Variants in FAAH2 observed in about 807,000 individuals in gnomAD.
The protein encoded by FAAH2 is fatty acid amide hydrolase 2.
A neutral mutation model predicts 36.9 loss-of-function variants in FAAH2; 60 were observed. The ratio of observed to expected loss-of-function variants is 1.63; its 90% CI spans 1.32 to 2.02. FAAH2 has a LOEUF of 2.02. FAAH2 is among the 30% of genes most tolerant of loss of function. FAAH2 has a pLI of 0.00. For synonymous variants in FAAH2, 214 were observed against 143.8 expected, an observed-to-expected ratio of 1.49 and a Z score of -3.49; for missense variants, 689 against 397.5, an observed-to-expected ratio of 1.73 and a Z score of -6.23.
intron 8 of FAAH2, among the ~76,000 whole-genome samples, chrX:57,434,083 A>AT (rs771256980): frequency 0.06 from 5,609 of 94,032 alleles, 167 homozygotes; most frequent in Non-Finnish European, 0.073. Flanking sequence ...AATTAAATTG[A>AT]TTTTTTTTTT....
intron 6 of FAAH2, among the ~76,000 whole-genome samples, chrX:57,380,230 T>C (rs1217902655): frequency 9.0e-6 from 1 of 110,848 alleles, no homozygotes; most frequent in Non-Finnish European, 1.9e-5. Context: ...TACTTATCTC[T>C]ATTCTTTCTA....
intron 7 of FAAH2, among the ~76,000 whole-genome samples, chrX:57,384,462 T>A (rs1289549750): frequency 9.3e-6 from 1 of 107,621 alleles, no homozygotes; most frequent in Non-Finnish European, 1.9e-5. Context: ...TACAATGAAC[T>A]CAAACAAATT....
At chrX:57,425,420 C>A (rs2056136781) in intron 7 of FAAH2, among the ~76,000 whole-genome samples, 1 of 111,037 alleles carries the variant, frequency 9.0e-6, no homozygotes, top group Non-Finnish European at 1.9e-5. Context: ...ATATAATAAC[C>A]AGACTACAAT....
chrX:57,393,966 T>A, intron 7 of FAAH2: 1 of 800,935 alleles, frequency 1.2e-6, no homozygotes, highest in Non-Finnish European at 1.9e-6. Flanking sequence ...AACCTTTGTA[T>A]GTGGATATCA....
At chrX:57,216,566 G>GTATACGTATATA in the FAAH2 span, among the ~76,000 whole-genome samples, 8 of 17,910 alleles carry the variant, frequency 4.5e-4, no homozygotes, top group Admixed American at 1.8e-3. Context: ...ATATATATAC[G>GTATACGTATATA]TATATGTATA....
intron 1 of FAAH2, among the ~76,000 whole-genome samples, chrX:57,292,292 C>T (rs773886846): frequency 9.0e-6 from 1 of 111,485 alleles, no homozygotes; most frequent in African/African-American, 3.3e-5. Flanking sequence ...CTTTCTTATA[C>T]TGGTATATTC....
the FAAH2 span, among the ~76,000 whole-genome samples, chrX:57,227,578 G>T: frequency 9.0e-6 from 1 of 111,383 alleles, no homozygotes; most frequent in South Asian, 3.8e-4. Context: ...ACTCCATGGG[G>T]GTCCTCAGTT....
intron 4 of FAAH2, among the ~76,000 whole-genome samples, chrX:57,337,411 C>A (rs781421670): frequency 3.8e-4 from 42 of 110,984 alleles, no homozygotes; most frequent in African/African-American, 1.4e-3. Context: ...TTTTATGAGG[C>A]CAGCATCATC....
the FAAH2 span, among the ~76,000 whole-genome samples, chrX:57,256,978 C>G: frequency 1.8e-5 from 2 of 112,117 alleles, no homozygotes; most frequent in African/African-American, 6.5e-5. Context: ...AAATGCAAAT[C>G]AAAACCATAA....
chrX:57,299,283 A>G (rs2052255522), intron 2 of FAAH2, among the ~76,000 whole-genome samples: 2 of 112,341 alleles, frequency 1.8e-5, no homozygotes. Context: ...CATCCCTGGG[A>G]TGCAAGGCTG....
intron 10 of FAAH2, among the ~76,000 whole-genome samples, chrX:57,484,225 G>A (rs1461787935): frequency 1.8e-5 from 2 of 111,193 alleles, no homozygotes; most frequent in African/African-American, 3.3e-5. Context: ...TTCAGGTAAT[G>A]AGCTAGATCG....
intron 7 of FAAH2, among the ~76,000 whole-genome samples, chrX:57,429,850 A>C (rs1310952311): frequency 9.1e-6 from 1 of 110,274 alleles, no homozygotes; most frequent in Non-Finnish European, 1.9e-5. Context: ...TCAGCCATTA[A>C]AAAAGAGAAT....
intron 5 of FAAH2, among the ~76,000 whole-genome samples, chrX:57,365,676 C>T (rs920610172): frequency 1.8e-5 from 2 of 111,973 alleles, no homozygotes; most frequent in Non-Finnish European, 3.8e-5. Context: ...CTCTCTCTGT[C>T]TCTTTCAGGA....
At chrX:57,313,534 C>A (rs1342887923) in intron 3 of FAAH2, among the ~76,000 whole-genome samples, 1 of 110,418 alleles carries the variant, frequency 9.1e-6, no homozygotes, top group Non-Finnish European at 1.9e-5. Context: ...ACAGAGAGTA[C>A]TCCATCAGGC....
the FAAH2 span, among the ~76,000 whole-genome samples, chrX:57,210,745 G>A: frequency 8.9e-6 from 1 of 112,212 alleles, no homozygotes; most frequent in African/African-American, 3.2e-5. Context: ...GGAAGTCCTA[G>A]CCAGTGAAAT....
the FAAH2 span, among the ~76,000 whole-genome samples, chrX:57,269,352 A>G: frequency 2.7e-5 from 3 of 111,472 alleles, no homozygotes; most frequent in Non-Finnish European, 5.7e-5. Context: ...AATGACCTGA[A>G]CTCAGCACTG....
intron 2 of FAAH2, among the ~76,000 whole-genome samples, chrX:57,299,558 C>T (rs1186677069): frequency 5.4e-5 from 6 of 111,762 alleles, no homozygotes; most frequent in African/African-American, 9.8e-5. Context: ...GACAGGGATG[C>T]CCTCTCTCAC....
At chrX:57,150,059 G>C in the FAAH2 span, among the ~76,000 whole-genome samples, 3 of 112,135 alleles carry the variant, frequency 2.7e-5, 1 homozygote, top group Non-Finnish European at 5.6e-5. Context: ...TTTACATGTA[G>C]TTGAACGGTT....
At chrX:57,271,218 G>A in the FAAH2 span, among the ~76,000 whole-genome samples, 2 of 112,832 alleles carry the variant, frequency 1.8e-5, no homozygotes, top group Admixed American at 9.3e-5. Flanking sequence ...AAGCTTCTGG[G>A]AAGTTCGAAC....
Sources: allele counts gnomAD v4.1 joint callset (sites outside exome capture counted in the v4.1 genomes callset), GRCh38; gene constraint gnomAD v4.1.1; transcripts MANE v1.5; gene names NCBI Gene and HGNC (gene_info 2026-07-23, HGNC 2026-07-21).